Variants in SYNE2 observed in about 807,000 individuals in gnomAD.
The protein encoded by SYNE2 is spectrin repeat containing nuclear envelope protein 2, also known as nesprin-2.
A neutral mutation model predicts 856.3 loss-of-function variants in SYNE2; 431 were observed. That is an observed-to-expected ratio of 0.50 (90% CI 0.47 to 0.55). SYNE2 has a LOEUF of 0.55. Ranked by LOEUF, SYNE2 falls within the 20% of genes least tolerant of loss-of-function variation. The pLI, the probability that SYNE2 is intolerant of heterozygous loss-of-function variation, is 0.00. For missense variants in SYNE2, 8,129 were observed against 8,023.2 expected (o/e 1.01, Z -0.50); for synonymous variants, 2,923 against 2,872.3 (o/e 1.02, Z -0.56).
chr14:63,827,934 T>C (rs1336929815), intron 1 of SYNE2, among the ~76,000 whole-genome samples: 2 of 151,548 alleles, frequency 1.3e-5, no homozygotes, highest in Non-Finnish European at 2.9e-5. Context: ...GGCTCATGCC[T>C]GTAATCTCAG....
At chr14:64,202,779 GT>G (rs2098580961) in intron 99 of SYNE2, 21 bp from the exon 100 acceptor site, 1 of 1,612,108 alleles carries the variant, frequency 6.2e-7, no homozygotes, top group Non-Finnish European at 8.5e-7. Flanking sequence ...GTTTCGTTTT[GT>G]TTTTCTGCAA....
chr14:64,159,593 C>A, intron 87 of SYNE2, 151 bp downstream of exon 87: 1 of 908,096 alleles, frequency 1.1e-6, no homozygotes, highest in Non-Finnish European at 1.7e-6. Flanking sequence ...TGAATCTAGT[C>A]TATGTAAGAT....
At chr14:64,222,634 G>A (rs781716959) in intron 112 of SYNE2, among the ~76,000 whole-genome samples, 5 of 152,210 alleles carry the variant, frequency 3.3e-5, no homozygotes, top group Non-Finnish European at 7.3e-5. Flanking sequence ...GCTGAGGCAC[G>A]AGAATCGCTT....
At chr14:63,881,503 A>G (rs1043234059) in intron 1 of SYNE2, among the ~76,000 whole-genome samples, 3 of 151,620 alleles carry the variant, frequency 2.0e-5, no homozygotes, top group Non-Finnish European at 4.4e-5. Flanking sequence ...AAACAAAACA[A>G]AACAATCTGA....
intron 37 of SYNE2, among the ~76,000 whole-genome samples, chr14:64,022,435 T>C (rs938898513): frequency 2.0e-5 from 3 of 152,090 alleles, no homozygotes; most frequent in Admixed American, 6.5e-5. Context: ...TAGAACTGTA[T>C]CTAAATAAAT....
chr14:63,819,726 C>T (rs1384786202), intron 1 of SYNE2, among the ~76,000 whole-genome samples: 9 of 151,722 alleles, frequency 5.9e-5, no homozygotes, highest in Admixed American at 1.3e-4. Flanking sequence ...TTAGTAGAGA[C>T]GGGGTTTCAC....
chr14:63,956,434 CA>C (rs1566905230), intron 8 of SYNE2: 3 of 456,464 alleles, frequency 6.6e-6, no homozygotes, highest in African/African-American at 6.0e-5. Flanking sequence ...AACCAGCTTA[CA>C]AAAACTTCTG....
chr14:63,817,785 AG>A (rs1394262622), intron 1 of SYNE2, among the ~76,000 whole-genome samples: 1 of 152,172 alleles, frequency 6.6e-6, no homozygotes, highest in African/African-American at 2.4e-5. Flanking sequence ...GCACTTTGGG[AG>A]GCCAAGGCAG....
Position 63,982,477 on chromosome 14 carries a change from G to A in SYNE2, c.1837-153G>A, listed in dbSNP as rs79595079. Among the ~76,000 whole-genome samples, 159 of 138,514 alleles carry A rather than the reference G, an allele frequency of 1.1e-3. 2 individuals are homozygous for A. In the South Asian group the frequency reaches 0.016, roughly 14 times the overall value. The allele number at this position is 138,514 out of a possible 152,430, so 90.9% of individuals were successfully genotyped here. A position where few individuals can be genotyped will look rare whatever the true frequency, so the allele number is the denominator to read the frequency against. ...CGGAGGTTGCAATGACCTTGATTGC[G>A]CCACTGCACTCCAGCCTGGGCAACA... On this transcript the variant is annotated intron_variant, in intron 16 of 115. Transcript: ENST00000555002.
intron 2 of SYNE2, among the ~76,000 whole-genome samples, chr14:63,916,423 A>C (rs1189358720): frequency 6.6e-6 from 1 of 152,228 alleles, no homozygotes; most frequent in African/African-American, 2.4e-5. Context: ...CACTTCCTGC[A>C]ATAATCTTTC....
intron 1 of SYNE2, among the ~76,000 whole-genome samples, chr14:63,896,813 C>T (rs996647223): frequency 1.3e-5 from 2 of 152,188 alleles, no homozygotes; most frequent in African/African-American, 2.4e-5. Context: ...ATAATGGACT[C>T]CCTACTTAGA....
rs1433304806 is a variant in SYNE2, at chr14:64,190,232, A to G, written c.18033A>G (p.Gly6011=). 4 of 1,614,132 alleles carry G rather than the reference A, an allele frequency of 2.5e-6. 1 individual carries two copies. The South Asian group carries it at 3.3e-5, about 13-fold the overall frequency. ...DRWQHLFDVI[G]SRVKKLKETF... ...GGCAACATCTTTTTGATGTCATCGG[A>G]TCAAGGTAAGAAATGGGCTAAAAAT... The change falls in exon 99 of 116, where the codon GGA becomes GGG. Residue 6011 remains glycine, a synonymous_variant. Coordinates refer to ENST00000555002, the MANE Select transcript of SYNE2 (RefSeq NM_182914.3).
chr14:64,038,968 C>T (rs982413514), intron 45 of SYNE2, among the ~76,000 whole-genome samples: 3 of 152,096 alleles, frequency 2.0e-5, no homozygotes, highest in Non-Finnish European at 2.9e-5. Context: ...ACATAGGAGG[C>T]AGATGGCAGA....
chr14:63,946,424 T>A (rs1159313666), intron 6 of SYNE2, among the ~76,000 whole-genome samples: 1 of 151,312 alleles, frequency 6.6e-6, no homozygotes, highest in Non-Finnish European at 1.5e-5. Flanking sequence ...CAAGACCCTG[T>A]CTCCAAAAAA....
chr14:63,811,704 A>C (rs1888620855), intron 1 of SYNE2, among the ~76,000 whole-genome samples: 1 of 152,184 alleles, frequency 6.6e-6, no homozygotes, highest in Non-Finnish European at 1.5e-5. Context: ...GAAAGAGTAC[A>C]AAGAGAGGAA....
intron 80 of SYNE2, among the ~76,000 whole-genome samples, chr14:64,140,896 G>T (rs28695647): frequency 1.4e-5 from 2 of 146,888 alleles, no homozygotes; most frequent in Non-Finnish European, 3.0e-5. Flanking sequence ...GACTTTTCCT[G>T]TTTTTTTTTT....
intron 96 of SYNE2, among the ~76,000 whole-genome samples, chr14:64,185,578 T>A (rs2098485298): frequency 7.0e-6 from 1 of 143,266 alleles, no homozygotes. Context: ...TAGAATGCAG[T>A]GGTGCGATCT....
intron 22 of SYNE2, 44 bp from the exon 23 acceptor site, chr14:63,995,000 A>T: frequency 7.8e-7 from 1 of 1,288,946 alleles, no homozygotes; most frequent in African/African-American, 1.5e-5. Flanking sequence ...TTTTTTGTAT[A>T]TTTTGTTCTC....
At chr14:63,865,724 C>CCCCAAA (rs1555352398) in intron 1 of SYNE2, among the ~76,000 whole-genome samples, 3 of 95,354 alleles carry the variant, frequency 3.1e-5, no homozygotes, top group Admixed American at 1.1e-4. Context: ...ACCCCCCCCC[C>CCCCAAA]AAAAAAAAAG....
Sources: allele counts gnomAD v4.1 joint callset (sites outside exome capture counted in the v4.1 genomes callset), GRCh38; gene constraint gnomAD v4.1.1; transcripts MANE v1.5; gene names NCBI Gene and HGNC (gene_info 2026-07-23, HGNC 2026-07-21).